The following PLEKHA5 variants were observed in gnomAD, a reference collection of about 807,000 sequenced individuals.
The protein encoded by PLEKHA5 is pleckstrin homology domain-containing family A member 5.
PLEKHA5 carries 55 observed loss-of-function variants against 181.9 expected under a neutral mutation model. The ratio of observed to expected loss-of-function variants is 0.30; its 90% confidence interval spans 0.24 to 0.38. PLEKHA5 has a LOEUF of 0.38. Ranked by LOEUF, PLEKHA5 falls within the 10% of genes least tolerant of loss-of-function variation. PLEKHA5 has a pLI of 1.00. For missense variants in PLEKHA5, 1,432 were observed against 1,549.5 expected (o/e 0.92, Z 1.27); for synonymous variants, 535 against 529.4 (o/e 1.01, Z -0.15).
At position 19,367,968 on chromosome 12, in the gene PLEKHA5, A is replaced by T. The variant is rs574998720; in HGVS notation, c.3755-1725A>T. ...ACTCCTGCCCTTTTGCAGAAGAGTA[A>T]GAAACAATGAAATTCAAGTATTCAG... On this transcript the variant is annotated intron_variant, in intron 30 of 31. Transcript: ENST00000429027. 1.3e-4 allele frequency among the ~76,000 whole-genome samples: 20 copies of T among 152,280 alleles called. 1 individual carries two copies. In the South Asian group the frequency reaches 3.7e-3, roughly 28 times the overall value.
intron 15 of PLEKHA5, among the ~76,000 whole-genome samples, chr12:19,299,813 C>T (rs2080952170): frequency 6.6e-6 from 1 of 152,170 alleles, no homozygotes. Context: ...AAAGCTCCTG[C>T]CACATTATGT....
chr12:19,181,039 TAA>T (rs11285788), intron 3 of PLEKHA5, among the ~76,000 whole-genome samples: 469 of 146,616 alleles, frequency 3.2e-3, no homozygotes, highest in Middle Eastern at 3.4e-3. Context: ...GTTGAAATTG[TAA>T]AAAAAAAAAA....
In PLEKHA5 at chr12:19,369,751, G is replaced by T; in HGVS notation, c.3813G>T (p.Pro1271=). Residue 1271 remains proline, a synonymous_variant, in exon 31 of 32, where the codon CCG becomes CCT. Transcript: ENST00000429027. ...CATCGCCAGTTCCATCCACTCAGCC[G>T]CAGCTCACAGAAGGATCACATTTCA... is the stretch of plus-strand genomic sequence containing the variant. ...SSASPVPSTQ[P]QLTEGSHFMC... 6.2e-7 allele frequency: 1 copy of T among 1,612,410 alleles called. No homozygotes were observed. Among genetic ancestry groups the T allele is most frequent in the Non-Finnish European group, 8.5e-7 (1 of 1,178,816 alleles).
intron 3 of PLEKHA5, chr12:19,236,983 C>G (rs2061500591): frequency 6.6e-6 from 1 of 152,130 alleles, no homozygotes; most frequent in South Asian, 2.1e-4. Context: ...CTCCAGTGTT[C>G]TTTTTGCCTG....
At chr12:19,138,767 A>G (rs2036442436) in intron 3 of PLEKHA5, among the ~76,000 whole-genome samples, 1 of 152,038 alleles carries the variant, frequency 6.6e-6, no homozygotes, top group South Asian at 2.1e-4. Context: ...AACACGTATA[A>G]TATGTGAATA....
chr12:19,263,234 C>G (rs2069096740), intron 7 of PLEKHA5, among the ~76,000 whole-genome samples: 1 of 151,994 alleles, frequency 6.6e-6, no homozygotes, highest in African/African-American at 2.4e-5. Context: ...TATAGATGCT[C>G]TATTTTATCT....
intron 3 of PLEKHA5, among the ~76,000 whole-genome samples, chr12:19,227,192 G>T (rs1006772999): frequency 6.6e-6 from 1 of 151,720 alleles, no homozygotes; most frequent in Non-Finnish European, 1.5e-5. Context: ...CACAGAATGT[G>T]ATAGACCATT....
chr12:19,314,960 T>C, intron 16 of PLEKHA5, 66 bp downstream of exon 16: 1 of 837,968 alleles, frequency 1.2e-6, no homozygotes, highest in South Asian at 1.4e-5. Context: ...ACAGTTTTGA[T>C]TTATTCTCAG....
chr12:19,334,818 CAA>C (rs1241415983), intron 20 of PLEKHA5, among the ~76,000 whole-genome samples: 22 of 5,980 alleles, frequency 3.7e-3, no homozygotes, highest in African/African-American at 6.6e-3. Context: ...CCTGTCTTCA[CAA>C]AAAAAAAAAA....
chr12:19,318,499 C>T (rs189302999), intron 16 of PLEKHA5, among the ~76,000 whole-genome samples: 1 of 152,016 alleles, frequency 6.6e-6, no homozygotes, highest in South Asian at 2.1e-4. Flanking sequence ...CTTTAATATA[C>T]TAATGTTTTT....
intron 3 of PLEKHA5, among the ~76,000 whole-genome samples, chr12:19,147,859 C>G (rs1431299758): frequency 6.6e-6 from 1 of 152,002 alleles, no homozygotes. Flanking sequence ...GCCTCAGCCT[C>G]CCGAGTAGCT....
chr12:19,140,220 T>C (rs1018980015), intron 3 of PLEKHA5, among the ~76,000 whole-genome samples: 1 of 152,226 alleles, frequency 6.6e-6, no homozygotes. Flanking sequence ...TTTTATAGTA[T>C]GTTAGACTAC....
chr12:19,246,548 G>C (rs2063791288), intron 3 of PLEKHA5, among the ~76,000 whole-genome samples: 2 of 151,350 alleles, frequency 1.3e-5, no homozygotes, highest in Non-Finnish European at 2.9e-5. Flanking sequence ...CTTGAACCCA[G>C]GAGGCGGATG....
rs969930842 is a variant in PLEKHA5, at chr12:19,290,894, A to G, written c.1983+98A>G. ...ATCAGCATCATTAGTGTTGAGCATGAGCCCATACCATCATTATAGTGACAA... is the reference window on the plus strand; with the variant it reads ...ATCAGCATCATTAGTGTTGAGCATGGGCCCATACCATCATTATAGTGACAA... On this transcript the variant is annotated intron_variant, in intron 14 of 31. Coordinates refer to ENST00000429027, the MANE Select transcript of PLEKHA5 (RefSeq NM_001256470.2). 11 of 1,027,098 alleles carry G rather than the reference A, an allele frequency of 1.1e-5. No homozygotes were observed. In the East Asian group the frequency reaches 2.8e-4, roughly 26 times the overall value. The allele number at this position is 1,027,098 out of a possible 1,614,324, so 63.6% of individuals were successfully genotyped here.
intron 3 of PLEKHA5, among the ~76,000 whole-genome samples, chr12:19,191,699 G>A (rs2051164035): frequency 6.6e-6 from 1 of 152,166 alleles, no homozygotes; most frequent in Non-Finnish European, 1.5e-5. Flanking sequence ...TGGTTGGGTA[G>A]TTCTGGCTCA....
At chr12:19,334,829 A>AAAAAAAAAAAAAAAT in intron 20 of PLEKHA5, among the ~76,000 whole-genome samples, 6 of 18,602 alleles carry the variant, frequency 3.2e-4, no homozygotes, top group Non-Finnish European at 8.7e-4. Context: ...AAAAAAAAAA[A>AAAAAAAAAAAAAAAT]ATATATATAT....
intron 22 of PLEKHA5, among the ~76,000 whole-genome samples, chr12:19,345,354 C>T (rs1490645440): frequency 2.6e-5 from 4 of 151,310 alleles, no homozygotes; most frequent in Non-Finnish European, 4.4e-5. Flanking sequence ...GAGCCGAGAT[C>T]TTGCCACTGC....
At chr12:19,153,466 G>A (rs2040939518) in intron 3 of PLEKHA5, 1 of 151,938 alleles carries the variant, frequency 6.6e-6, no homozygotes, top group Admixed American at 6.6e-5. Flanking sequence ...GCACTTTTAG[G>A]TTCATGGCAA....
In PLEKHA5 at chr12:19,361,496, A is replaced by G. The variant is rs1468438908; in HGVS notation, c.3484-86A>G. The G allele has an allele frequency of 4.0e-6, 3 of 755,544 alleles. No individual in the cohort carries two copies. The East Asian group carries it at 8.2e-5, about 21-fold the overall frequency. The allele number at this position is 755,544 out of a possible 1,614,324, so 46.8% of individuals were successfully genotyped here. On this transcript the variant is annotated intron_variant, in intron 28 of 31. Transcript: ENST00000429027. Reference sequence around the variant, plus strand: ...TCACGCCCGACCGTGATTGTTCAATAAACTTTATTTTGGAATTATTTTAGA... The same window carrying G: ...TCACGCCCGACCGTGATTGTTCAATGAACTTTATTTTGGAATTATTTTAGA...
Sources: gnomAD v4.1 joint callset for allele counts (sites outside exome capture counted in the v4.1 genomes callset) on GRCh38, gnomAD v4.1.1 for gene constraint, MANE v1.5 for transcripts, NCBI Gene and HGNC (gene_info 2026-07-23, HGNC 2026-07-21) for gene names.